PYGM: variants seen among roughly 807,000 people sequenced by gnomAD.
PYGM encodes the protein glycogen phosphorylase, muscle associated.
Under a neutral mutation model 99.3 loss-of-function variants are expected in PYGM, and 81 were observed. The observed-to-expected ratio is 0.82, with a 90% CI of 0.68 to 0.98. The LOEUF is 0.98. Ranked by LOEUF, PYGM falls within the 50% of genes least tolerant of loss-of-function variation. The pLI, the probability that PYGM is intolerant of heterozygous loss-of-function variation, is 0.00. For synonymous variants in PYGM, 436 were observed against 451.5 expected, an observed-to-expected ratio of 0.97 and a Z score of 0.44; for missense variants, 1,030 against 1,158.1, an observed-to-expected ratio of 0.89 and a Z score of 1.61.
chr11:64,752,844 T>C (rs2058366051), intron 12 of PYGM, among the ~76,000 whole-genome samples: 1 of 152,216 alleles, frequency 6.6e-6, no homozygotes, highest in East Asian at 1.9e-4. Context: ...TGACTCCCTC[T>C]GCTGTGTTCA....
intron 1 of PYGM, among the ~76,000 whole-genome samples, chr11:64,759,041 G>T (rs1323830386): frequency 1.3e-5 from 2 of 152,386 alleles, no homozygotes; most frequent in East Asian, 3.9e-4. Context: ...TTTGCTCAAG[G>T]TCACACAGTG....
At chr11:64,750,270 C>A in intron 17 of PYGM, 106 bp downstream of exon 17, 1 of 1,279,230 alleles carries the variant, frequency 7.8e-7, no homozygotes, top group Non-Finnish European at 1.1e-6. Flanking sequence ...TGACCAAGAC[C>A]TTGCTGGGCC....
chr11:64,752,706 G>T (rs2135831746), intron 12 of PYGM, among the ~76,000 whole-genome samples: 1 of 152,190 alleles, frequency 6.6e-6, no homozygotes, highest in East Asian at 1.9e-4. Flanking sequence ...GAGCTCTGAT[G>T]GCTGACCCCA....
rs374322115 is a variant in PYGM, at chr11:64,746,791, C to T, written c.2397G>A (p.Thr799=). Reference sequence around the variant, plus strand: ...TGGCTATGTTCCGGATCACCATCCGCGTCCACTCTCTTGGGTTCTGCAGGT... The same window carrying T: ...TGGCTATGTTCCGGATCACCATCCGTGTCCACTCTCTTGGGTTCTGCAGGT... ...SALYKNPREW[T]RMVIRNIATS... is the part of the protein sequence containing the mutation. Residue 799 remains threonine (T), a synonymous_variant, in exon 20 of 20, where the codon ACG becomes ACA. Coordinates refer to ENST00000164139, the MANE Select transcript of PYGM (RefSeq NM_005609.4). 25 of 1,614,072 alleles carry T rather than the reference C, an allele frequency of 1.5e-5. No homozygotes were observed. The highest frequency in any genetic ancestry group is 2.7e-5 in the African/African-American group (2 of 74,916).
At chr11:64,747,024 G>A (rs1285255096) in intron 18 of PYGM, 37 bp from the exon 19 acceptor site, 1 of 1,607,272 alleles carries the variant, frequency 6.2e-7, no homozygotes, top group Admixed American at 1.7e-5. Flanking sequence ...TATTCCTTTA[G>A]GGGGCTAGGA....
In PYGM at chr11:64,750,560, C is replaced by T; in HGVS notation, c.1993G>A (p.Glu665Lys). The T allele has an allele frequency of 6.2e-7, 1 of 1,613,936 alleles. No homozygotes were observed. Among genetic ancestry groups the T allele is most frequent in the South Asian group, 1.1e-5 (1 of 91,060 alleles). ...TCAGTGCCCGCAGTGGAGATCTGCT[C>T]AGAGAGGTCTGCAGCTGGGATCACT... is the stretch of plus-strand genomic sequence containing the variant. ...EKVIPAADLS[E>K]QISTAGTEAS... The change falls in exon 17 of 20, where the codon GAG becomes AAG. Residue 665 changes from glutamate to lysine, a missense_variant. Glu to Lys is a moderately conservative substitution (Grantham distance 56). Coordinates refer to ENST00000164139, the MANE Select transcript of PYGM (RefSeq NM_005609.4).
At chr11:64,758,014 C>G in intron 4 of PYGM, 104 bp from the exon 5 acceptor site, 2 of 1,533,922 alleles carry the variant, frequency 1.3e-6, no homozygotes, top group Non-Finnish European at 1.8e-6. Context: ...TACCCTACAC[C>G]AAGTATAAGT....
chr11:64,750,514 A>G lies in PYGM; in HGVS notation c.2039T>C (p.Met680Thr). 6.2e-7 allele frequency: 1 copy of G among 1,614,174 alleles called. No individual in the cohort carries two copies. The highest frequency in any genetic ancestry group is 8.5e-7 in the Non-Finnish European group (1 of 1,180,040). The change falls in exon 17 of 20, where the codon ATG becomes ACG. Residue 680 changes from methionine to threonine, a missense_variant. Transcript: ENST00000164139. ...AGTEASGTGN[M>T]KFMLNGALTI... Reference sequence around the variant, plus strand: ...CAGAGCCCCGTTGAGCATGAACTTCATGTTGCCGGTGCCTGAGGCTTCAGT... The same window carrying G: ...CAGAGCCCCGTTGAGCATGAACTTCGTGTTGCCGGTGCCTGAGGCTTCAGT...
intron 14 of PYGM, 93 bp downstream of exon 14, chr11:64,751,831 C>G: frequency 3.2e-6 from 5 of 1,571,128 alleles, no homozygotes; most frequent in Middle Eastern, 1.8e-4. Context: ...AGAGTAGTCC[C>G]AAGTCCAAAG....
Position 64,751,305 on chromosome 11 carries a change from T to C in PYGM, c.1969+20A>G. On this transcript the variant is annotated intron_variant, in intron 16 of 19. Coordinates refer to ENST00000164139, the MANE Select transcript of PYGM (RefSeq NM_005609.4). ...TGAACTAGTCAGAGCCTCCCTAGGG[T>C]CCCTGTTGGCAGCACCCACCTTTCT... 1 of 1,613,978 alleles carries C rather than the reference T, an allele frequency of 6.2e-7. No homozygotes were observed.
rs2135831177 is a variant in PYGM at position 64,752,398 on chromosome 11, C to A, written c.1620+5G>T. The A allele has an allele frequency of 6.2e-7, 1 of 1,613,256 alleles. No individual in the cohort carries two copies. The highest frequency in any genetic ancestry group is 1.6e-4 in the Middle Eastern group (1 of 6,062). The stretch of plus-strand genomic sequence containing the variant: ...ACAGCTGTCCCACATTGCATCTCTC[C>A]CCACCTGCTTCACTTTGGCCACATC... On this transcript the variant is annotated splice_donor_5th_base_variant and intron_variant, in intron 13 of 19. Coordinates refer to ENST00000164139, the MANE Select transcript of PYGM (RefSeq NM_005609.4).
Position 64,754,686 on chromosome 11 carries a change from A to C in PYGM, c.999+7T>G. 1 of 1,613,130 alleles carries C rather than the reference A, an allele frequency of 6.2e-7. No homozygotes were observed. The highest frequency in any genetic ancestry group is 8.5e-7 in the Non-Finnish European group (1 of 1,179,888). ...GGTCACAGAGTCGCCCTCCACACGC[A>C]TGGTACCTTATCTGGGAAGGCATCG... is the stretch of plus-strand genomic sequence containing the variant. On this transcript the variant is annotated splice_region_variant and intron_variant, in intron 8 of 19. Transcript: ENST00000164139. The surrounding 1 kb of genome is among the most constrained non-coding windows in gnomAD (Gnocchi z 5.5).
rs912122302 is a variant in PYGM, at chr11:64,753,614, T to C, written c.1308A>G (p.Ala436=). ...LRRMSLVEEG[A]VKRINMAHLC... ...GGTGTGCCATGTTGATGCGCTTCAC[T>C]GCGCCCTCCTCCACCAGCGACATGC... The change falls in exon 11 of 20, where the codon GCA becomes GCG. Residue 436 remains alanine (A), a synonymous_variant. Transcript: ENST00000164139. 8.1e-6 allele frequency: 13 copies of C among 1,608,662 alleles called. No individual in the cohort carries two copies. Among genetic ancestry groups the C allele is most frequent in the Non-Finnish European group, 1.1e-5 (13 of 1,179,344 alleles).
In PYGM at chr11:64,752,051, A is replaced by G. The variant is rs772656014; in HGVS notation, c.1641T>C (p.Ala547=). 1.2e-6 allele frequency: 2 copies of G among 1,614,124 alleles called. No homozygotes were observed. Among genetic ancestry groups the G allele is most frequent in the Non-Finnish European group, 1.7e-6 (2 of 1,180,014 alleles). ...KVKQENKLKF[A]AYLEREYKVH... ...CTTTGTATTCCCTCTCTAGGTAGGC[A>G]GCAAACTTCAACTTGTTTTCCTGGA... Residue 547 remains alanine (A), a synonymous_variant, in exon 14 of 20, where the codon GCT becomes GCC. Coordinates refer to ENST00000164139, the MANE Select transcript of PYGM (RefSeq NM_005609.4).
In PYGM at chr11:64,755,350, C is replaced by T. The variant is rs983163363; in HGVS notation, c.778G>A (p.Val260Ile). ...PNDFNLKDFN[V>I]GGYIQAVLDR... Reference sequence around the variant, plus strand: ...AACACAGCCTGGATGTAGCCACCGACATTGACTGAGGGACAAAAGTGGGGA... The same window carrying T: ...AACACAGCCTGGATGTAGCCACCGATATTGACTGAGGGACAAAAGTGGGGA... Residue 260 changes from valine (V) to isoleucine (I), a missense_variant, in exon 7 of 20, where the codon GTC (valine) becomes ATC (isoleucine). By Grantham distance (29) the Val-to-Ile change is conservative (BLOSUM62 3). Coordinates refer to ENST00000164139, the MANE Select transcript of PYGM (RefSeq NM_005609.4). This position sits in a 1 kb window ranked among gnomAD's most constrained non-coding sequence, Gnocchi z 4.1. 2 of 1,614,080 alleles carry T rather than the reference C, an allele frequency of 1.2e-6. No individual in the cohort carries two copies. Among genetic ancestry groups the T allele is most frequent in the African/African-American group, 2.7e-5 (2 of 74,946 alleles).
chr11:64,754,269 C>A lies in PYGM; in HGVS notation c.1076G>T (p.Arg359Leu). Residue 359 changes from arginine (R) to leucine (L), a missense_variant, in exon 9 of 20, where the codon CGG becomes CTG. Physicochemically the swap from Arg to Leu is moderately radical, Grantham distance 102. Transcript: ENST00000164139. This position sits in a 1 kb window ranked among gnomAD's most constrained non-coding sequence, Gnocchi z 5.5. Reference protein sequence around the residue: ...ELMRILVDLERMDWDKAWDVT... With the variant: ...ELMRILVDLELMDWDKAWDVT... ...GAAGCCCACCTTGTCCCAGTCCATCCGTTCCAGGTCCACCAGGATCCTCAT... is the reference window on the plus strand; with the variant it reads ...GAAGCCCACCTTGTCCCAGTCCATCAGTTCCAGGTCCACCAGGATCCTCAT... 6.2e-7 allele frequency: 1 copy of A among 1,613,452 alleles called. No homozygotes were observed. Among genetic ancestry groups the A allele is most frequent in the Non-Finnish European group, 8.5e-7 (1 of 1,179,632 alleles).
rs749507354 is a variant in PYGM, at chr11:64,757,886, G to T, written c.553C>A (p.Arg185Ser). ...GCCTTCTCCCAGGGGTTGCCGTAGC[G>T]AAGCCAGTCATCGGCCTCCTCCATC... ...WQMEEADDWL[R>S]YGNPWEKARP... The change falls in exon 5 of 20, where the codon CGC (arginine) becomes AGC (serine). Residue 185 changes from arginine (R) to serine (S), a missense_variant. Coordinates refer to ENST00000164139, the MANE Select transcript of PYGM (RefSeq NM_005609.4). The T allele has an allele frequency of 3.1e-6, 5 of 1,614,092 alleles. No homozygotes were observed. Among genetic ancestry groups the T allele is most frequent in the Non-Finnish European group, 4.2e-6 (5 of 1,180,020 alleles).
chr11:64,757,854 G>A lies in PYGM; in HGVS notation c.585C>T (p.Pro195=), dbSNP rs1469910376. Residue 195 remains proline (P), a synonymous_variant, in exon 5 of 20, where the codon CCC becomes CCT. Transcript: ENST00000164139. ...AGAAGTGCACAGGTAGCGTGAACTC[G>A]GGCCGGGCCTTCTCCCAGGGGTTGC... ...RYGNPWEKAR[P]EFTLPVHFYG... is the part of the protein sequence containing the mutation. 12 of 1,614,024 alleles carry A rather than the reference G, an allele frequency of 7.4e-6. No individual in the cohort carries two copies. The highest frequency in any genetic ancestry group is 5.3e-5 in the African/African-American group (4 of 74,926).
Position 64,758,457 on chromosome 11 carries a change from C to G in PYGM, c.404G>C (p.Gly135Ala), listed in dbSNP as rs2058409484. The G allele has an allele frequency of 2.5e-6, 4 of 1,613,908 alleles. No homozygotes were observed. The highest frequency in any genetic ancestry group is 3.4e-6 in the Non-Finnish European group (4 of 1,180,018). ...CTTACCTGCCAGCCGGCCCAGGCCC[C>G]CGTTGCCCAGCCCCGCATCCTCCTC... ...EIEEDAGLGN[G>A]GLGRLAACFL... is the part of the protein sequence containing the mutation. The change falls in exon 3 of 20, where the codon GGG becomes GCG. Residue 135 changes from glycine to alanine, a missense_variant. Coordinates refer to ENST00000164139, the MANE Select transcript of PYGM (RefSeq NM_005609.4).
Sources: gnomAD v4.1 joint callset for allele counts (sites outside exome capture counted in the v4.1 genomes callset) on GRCh38, gnomAD v4.1.1 for gene constraint, Gnocchi (gnomAD v3.1) non-coding constraint, MANE v1.5 for transcripts, NCBI Gene and HGNC (gene_info 2026-07-23, HGNC 2026-07-21) for gene names.